The following SKIC3 variants were observed in gnomAD, a reference collection of about 807,000 sequenced individuals.
SKIC3 encodes SKI3 subunit of superkiller complex.
At chr5:95,545,383 T>C in the SKIC3 span, among the ~76,000 whole-genome samples, 1 of 152,122 alleles carries the variant, frequency 6.6e-6, no homozygotes, top group Non-Finnish European at 1.5e-5. Context: ...GTTTACTCCT[T>C]AGACTCATCC....
the SKIC3 span, among the ~76,000 whole-genome samples, chr5:95,551,507 C>T: frequency 1.3e-5 from 2 of 152,078 alleles, no homozygotes; most frequent in African/African-American, 4.8e-5. Context: ...GTATGGTAAT[C>T]CAAACAATGT....
At chr5:95,482,366 T>A in the SKIC3 span, 1 of 1,165,002 alleles carries the variant, frequency 8.6e-7, no homozygotes, top group Non-Finnish European at 1.3e-6. Flanking sequence ...AGAGATAACA[T>A]GGTGAGAGTG....
At chr5:95,503,883 C>A in the SKIC3 span, 1 of 1,613,980 alleles carries the variant, frequency 6.2e-7, no homozygotes, top group South Asian at 1.1e-5. Context: ...TCTTCTAACA[C>A]TTCAAGGGGT....
At chr5:95,469,975 T>C in the SKIC3 span, 3 of 1,528,476 alleles carry the variant, frequency 2.0e-6, no homozygotes, top group Non-Finnish European at 2.7e-6. Context: ...AGTATTCAAT[T>C]CAATTCTTTT....
chr5:95,554,587 C>T, the SKIC3 span, among the ~76,000 whole-genome samples: 1 of 152,324 alleles, frequency 6.6e-6, no homozygotes, highest in East Asian at 1.9e-4. Context: ...TACTAGGCCC[C>T]GCTCCTCGCC....
the SKIC3 span, among the ~76,000 whole-genome samples, chr5:95,511,400 G>A: frequency 6.6e-6 from 1 of 152,288 alleles, no homozygotes; most frequent in South Asian, 2.1e-4. Flanking sequence ...GTGACAGAGC[G>A]AGACTCCGTC....
the SKIC3 span, among the ~76,000 whole-genome samples, chr5:95,537,612 C>T: frequency 1.3e-5 from 2 of 152,182 alleles, no homozygotes; most frequent in South Asian, 4.1e-4. Flanking sequence ...TATGACTGAA[C>T]TGTTATGAAA....
chr5:95,544,576 C>T, the SKIC3 span, among the ~76,000 whole-genome samples: 2 of 152,126 alleles, frequency 1.3e-5, no homozygotes, highest in African/African-American at 2.4e-5. Context: ...CATAATAATG[C>T]TGCCTCCTAA....
chr5:95,520,995 T>C, the SKIC3 span, among the ~76,000 whole-genome samples: 4 of 152,026 alleles, frequency 2.6e-5, no homozygotes, highest in Non-Finnish European at 2.9e-5. Context: ...GAAATTCAAA[T>C]GGAAGAATTC....
the SKIC3 span, among the ~76,000 whole-genome samples, chr5:95,467,059 A>G: frequency 6.6e-6 from 1 of 152,154 alleles, no homozygotes; most frequent in Admixed American, 6.5e-5. Flanking sequence ...ATGGTCATAT[A>G]TTTGTATTGT....
chr5:95,506,027 T>C, the SKIC3 span, among the ~76,000 whole-genome samples: 2 of 152,336 alleles, frequency 1.3e-5, no homozygotes, highest in African/African-American at 4.8e-5. Context: ...TTAGATTATA[T>C]AAAACATCAA....
chr5:95,516,747 G>C, the SKIC3 span: 3 of 1,612,926 alleles, frequency 1.9e-6, no homozygotes, highest in Admixed American at 5.0e-5. Context: ...GCTTTTTTCA[G>C]ACACTGAAAA....
At chr5:95,492,243 T>G in the SKIC3 span, among the ~76,000 whole-genome samples, 1 of 152,206 alleles carries the variant, frequency 6.6e-6, no homozygotes. Flanking sequence ...GATTACTATA[T>G]AAAGAAAGGC....
At chr5:95,469,974 T>C in the SKIC3 span, 5 of 1,545,930 alleles carry the variant, frequency 3.2e-6, no homozygotes, top group Non-Finnish European at 4.4e-6. Flanking sequence ...AAGTATTCAA[T>C]TCAATTCTTT....
the SKIC3 span, among the ~76,000 whole-genome samples, chr5:95,499,966 T>C: frequency 3.0e-4 from 45 of 152,210 alleles, 1 homozygote; most frequent in East Asian, 8.3e-3. Context: ...ACCAAACTTA[T>C]AAGAATTATT....
the SKIC3 span, among the ~76,000 whole-genome samples, chr5:95,469,063 C>A: frequency 1.3e-4 from 20 of 152,136 alleles, no homozygotes; most frequent in African/African-American, 4.6e-4. Context: ...TATGTACTAA[C>A]CTCCATTTCT....
At chr5:95,530,200 A>G in the SKIC3 span, 1 of 1,613,582 alleles carries the variant, frequency 6.2e-7, no homozygotes, top group South Asian at 1.1e-5. Context: ...AATCTACAAC[A>G]ATACTGCTGC....
chr5:95,492,652 G>GAAGAAAAAA, the SKIC3 span, among the ~76,000 whole-genome samples: 1 of 48,836 alleles, frequency 2.0e-5, no homozygotes, highest in African/African-American at 1.4e-4. Flanking sequence ...AAAAAAAAAA[G>GAAGAAAAAA]AAAAAAAAAA....
the SKIC3 span, among the ~76,000 whole-genome samples, chr5:95,473,703 T>C: frequency 6.6e-6 from 1 of 152,202 alleles, no homozygotes; most frequent in Admixed American, 6.5e-5. Context: ...TGTTGGCCAC[T>C]TATATGTCTT....
Sources: gnomAD v4.1 joint callset for allele counts (sites outside exome capture counted in the v4.1 genomes callset) on GRCh38, gnomAD v4.1.1 for gene constraint, MANE v1.5 for transcripts, NCBI Gene and HGNC (gene_info 2026-07-23, HGNC 2026-07-21) for gene names.